ATM: variants seen among roughly 807,000 people sequenced by gnomAD.
The protein encoded by ATM is serine-protein kinase ATM.
A neutral mutation model predicts 387.0 loss-of-function variants in ATM; 308 were observed. That is an observed-to-expected ratio of 0.80 (90% CI 0.73 to 0.87). The LOEUF is 0.87. ATM is among the 40% of genes least tolerant of loss of function. The pLI is 0.00. For synonymous variants in ATM, 1,156 were observed against 1,187.3 expected, an observed-to-expected ratio of 0.97 and a Z score of 0.54; for missense variants, 3,312 against 3,560.9, an observed-to-expected ratio of 0.93 and a Z score of 1.78.
rs2080301965 is a variant in ATM at position 108,253,898 on chromosome 11, C to T, written c.1983C>T (p.Asp661=). The stretch of plus-strand genomic sequence containing the variant: ...TTCAGACAACTTTTGACAAGATGGA[C>T]TTTTTAACCATTGTGAGAGAATGTG... ...LFLQTTFDKM[D]FLTIVRECGI... is the part of the protein sequence containing the mutation. Residue 661 remains aspartate (D), a synonymous_variant, in exon 13 of 63, where the codon GAC becomes GAT. Coordinates refer to ENST00000675843, the MANE Select transcript of ATM (RefSeq NM_000051.4). 2 of 1,614,062 alleles carry T rather than the reference C, an allele frequency of 1.2e-6. No individual in the cohort carries two copies. Among genetic ancestry groups the T allele is most frequent in the East Asian group, 2.2e-5 (1 of 44,862 alleles).
chr11:108,357,732 G>T (rs2090181719), intron 61 of ATM, among the ~76,000 whole-genome samples: 1 of 152,152 alleles, frequency 6.6e-6, no homozygotes, highest in Non-Finnish European at 1.5e-5. Flanking sequence ...GCAGCTGAGG[G>T]TCTTGTCTGT....
At position 108,276,858 on chromosome 11, in the gene ATM, G is replaced by T. The variant is rs553096497; in HGVS notation, c.3285-2633G>T. Among the ~76,000 whole-genome samples, 4 of 152,318 alleles carry T rather than the reference G, an allele frequency of 2.6e-5. No individual in the cohort carries two copies. In the East Asian group the frequency reaches 7.7e-4, roughly 29 times the overall value. ...GCACGGGGGTCAGGGACCCACTTGA[G>T]GAGGCAGTCTGTCCCTTAGCAGAGC... On this transcript the variant is annotated intron_variant, in intron 22 of 62. Transcript: ENST00000675843.
At chr11:108,268,354 C>G (rs1565418849) in intron 17 of ATM, 56 bp from the exon 18 acceptor site, 2 of 1,509,450 alleles carry the variant, frequency 1.3e-6, no homozygotes, top group Non-Finnish European at 1.8e-6. Flanking sequence ...GTTAATATGA[C>G]TATATATGGC....
At chr11:108,269,368 A>C (rs2081446812) in intron 18 of ATM, among the ~76,000 whole-genome samples, 1 of 152,122 alleles carries the variant, frequency 6.6e-6, no homozygotes, top group African/African-American at 2.4e-5. Flanking sequence ...TTATACTTTG[A>C]CGAGAATGTT....
At chr11:108,235,860 G>T (rs1033295874) in intron 5 of ATM, 26 bp downstream of exon 5, 1 of 1,612,888 alleles carries the variant, frequency 6.2e-7, no homozygotes, top group South Asian at 1.1e-5. Flanking sequence ...TGTTGTTTGT[G>T]AATTTTTCCT....
In ATM at chr11:108,289,785, C is replaced by G. The variant is rs587779840; in HGVS notation, c.4420C>G (p.His1474Asp). The G allele has an allele frequency of 1.7e-5, 28 of 1,612,696 alleles. No individual in the cohort carries two copies. Among genetic ancestry groups the G allele is most frequent in the Non-Finnish European group, 2.2e-5 (26 of 1,179,728 alleles). Residue 1474 changes from histidine (H) to aspartate (D), a missense_variant, in exon 29 of 63, where the codon CAC becomes GAC. By Grantham distance (81) the His-to-Asp change is moderately conservative. Coordinates refer to ENST00000675843, the MANE Select transcript of ATM (RefSeq NM_000051.4). ...TCGAGACGTTATTTATACTTTGATT[C>G]ACTATATCAACCAAAGGTAAATAAC... ...VLRDVIYTLI[H>D]YINQRPSCIM...
chr11:108,321,842 A>G (rs893267731), intron 45 of ATM, among the ~76,000 whole-genome samples: 1 of 152,154 alleles, frequency 6.6e-6, no homozygotes, highest in Non-Finnish European at 1.5e-5. Context: ...CCTTTTATCA[A>G]GATATAAGTT....
chr11:108,289,588 T>G lies in ATM; in HGVS notation c.4237-14T>G. On this transcript the variant is annotated splice_polypyrimidine_tract_variant and intron_variant, in intron 28 of 62. Transcript: ENST00000675843. ...TAATTAAACAAGTTTTTACTAAATCTGTTTATTTTCTAGGATTCCTATCAG... is the reference window on the plus strand; with the variant it reads ...TAATTAAACAAGTTTTTACTAAATCGGTTTATTTTCTAGGATTCCTATCAG... 1 of 1,591,626 alleles carries G rather than the reference T, an allele frequency of 6.3e-7. No individual in the cohort carries two copies. Among genetic ancestry groups the G allele is most frequent in the African/African-American group, 1.3e-5 (1 of 74,114 alleles).
Position 108,244,443 on chromosome 11 carries a change from T to C in ATM, c.662+325T>C, listed in dbSNP as rs139148384. Among the ~76,000 whole-genome samples the C allele has an allele frequency of 2.6e-5, 4 of 152,278 alleles. No homozygotes were observed. In the East Asian group the frequency reaches 5.8e-4, roughly 22 times the overall value. Reference sequence around the variant, plus strand: ...GAGAATAAAATAAAATAGGAAAATATTTTGGAAGTATTACTGTTGTACATT... The same window carrying C: ...GAGAATAAAATAAAATAGGAAAATACTTTGGAAGTATTACTGTTGTACATT... On this transcript the variant is annotated intron_variant, in intron 6 of 62. Coordinates refer to ENST00000675843, the MANE Select transcript of ATM (RefSeq NM_000051.4).
chr11:108,251,021 T>A lies in ATM; in HGVS notation c.1556T>A (p.Val519Asp), dbSNP rs574458765. 1 of 1,614,154 alleles carries A rather than the reference T, an allele frequency of 6.2e-7. No homozygotes were observed. Among genetic ancestry groups the A allele is most frequent in the Non-Finnish European group, 8.5e-7 (1 of 1,180,028 alleles). Residue 519 changes from valine to aspartate, a missense_variant, in exon 10 of 63, where the codon GTT becomes GAT. Around this residue, in one of 4 missense-constraint regions of ATM, gnomAD observed 1,791 missense variants for 1,804.5 expected, o/e 0.99. Transcript: ENST00000675843. ...GAIIQGSLVE[V>D]DREFWKLFTG... ...ATAATTCAGGGTAGTTTAGTTGAGG[T>A]TGACAGAGAATTCTGGAAGTTATTT...
At position 108,256,282 on chromosome 11, in the gene ATM, A is replaced by T. The variant is rs730881345; in HGVS notation, c.2192A>T (p.Tyr731Phe). Residue 731 changes from tyrosine (Y) to phenylalanine (F), a missense_variant, in exon 14 of 63, where the codon TAC (tyrosine) becomes TTC (phenylalanine). Physicochemically the swap from Tyr to Phe is conservative, Grantham distance 22 (BLOSUM62 3). This residue lies in a region of ATM where 1,791 missense variants were observed against 1,804.5 expected (regional missense o/e 0.99). Coordinates refer to ENST00000675843, the MANE Select transcript of ATM (RefSeq NM_000051.4). The stretch of plus-strand genomic sequence containing the variant: ...GTGGGTGTCCTTGGCTGCTACTGTT[A>T]CATGGGTGTAATAGCTGAAGAGGAA... ...LLVGVLGCYC[Y>F]MGVIAEEEAY... The T allele has an allele frequency of 2.5e-6, 4 of 1,611,338 alleles. No individual in the cohort carries two copies. The African/African-American group carries it at 4.0e-5, about 16-fold the overall frequency.
chr11:108,359,133 A>G (rs2090399126), intron 61 of ATM, among the ~76,000 whole-genome samples: 1 of 150,536 alleles, frequency 6.6e-6, no homozygotes, highest in African/African-American at 2.4e-5. Context: ...AAAAAAAGGC[A>G]GGGGTTGCAA....
chr11:108,263,114 T>A (rs939583834), intron 16 of ATM, among the ~76,000 whole-genome samples: 1 of 150,984 alleles, frequency 6.6e-6, no homozygotes, highest in African/African-American at 2.4e-5. Context: ...GGAATTGAAC[T>A]CAGCTCTGCA....
intron 38 of ATM, chr11:108,308,884 G>A (rs1164579509): frequency 1.4e-6 from 1 of 731,242 alleles, no homozygotes; most frequent in Non-Finnish European, 2.3e-6. Context: ...CTTCTGAGGA[G>A]GCCTATCAGA....
rs863224560 is a variant in ATM, at chr11:108,271,384, C to G, written c.3055C>G (p.Leu1019Val). 6.2e-7 allele frequency: 1 copy of G among 1,614,060 alleles called. No homozygotes were observed. The highest frequency in any genetic ancestry group is 1.3e-5 in the African/African-American group (1 of 75,036). The change falls in exon 20 of 63, where the codon CTT (leucine) becomes GTT (valine). Residue 1019 changes from leucine (L) to valine (V), a missense_variant. Physicochemically the swap from Leu to Val is conservative, Grantham distance 32. Coordinates refer to ENST00000675843, the MANE Select transcript of ATM (RefSeq NM_000051.4). Reference sequence around the variant, plus strand: ...CACAAGGGATGCTCAAGGACAGTTTCTTACAGTAATTGGAGCATTTTGGTA... The same window carrying G: ...CACAAGGGATGCTCAAGGACAGTTTGTTACAGTAATTGGAGCATTTTGGTA... ...ENTRDAQGQF[L>V]TVIGAFWHLT...
At chr11:108,229,493 A>T in intron 4 of ATM, 170 bp downstream of exon 4, 2 of 690,678 alleles carry the variant, frequency 2.9e-6, no homozygotes, top group Non-Finnish European at 4.6e-6. Flanking sequence ...TTTTATTAAA[A>T]GGTTTTTTTT....
intron 54 of ATM, among the ~76,000 whole-genome samples, chr11:108,334,695 A>G (rs942410832): frequency 6.6e-6 from 1 of 152,216 alleles, no homozygotes; most frequent in Non-Finnish European, 1.5e-5. Flanking sequence ...ATAACCCAGA[A>G]AACTCCTTCT....
intron 22 of ATM, among the ~76,000 whole-genome samples, chr11:108,273,331 CTTTTTTTTT>C (rs563140198): frequency 1.2e-3 from 94 of 80,656 alleles, no homozygotes; most frequent in African/African-American, 1.2e-3. Flanking sequence ...TAATTTCATT[CTTTTTTTTT>C]TTTTTTTTTT....
Position 108,252,914 on chromosome 11 carries a change from T to G in ATM, c.1898+2T>G, listed in dbSNP as rs587782124. The stretch of plus-strand genomic sequence containing the variant: ...TTTTTTCCAAAGCGTGCCAGAATGG[T>G]ATGTTATCTAATAATGCTCTTTATC... On this transcript the variant is annotated splice_donor_variant, in intron 12 of 62. Transcript: ENST00000675843. LOFTEE classifies it high-confidence loss of function. The G allele has an allele frequency of 6.9e-6, 11 of 1,599,468 alleles. No homozygotes were observed. Among genetic ancestry groups the G allele is most frequent in the Non-Finnish European group, 9.4e-6 (11 of 1,167,326 alleles).
Sources: gnomAD v4.1 joint callset for allele counts (sites outside exome capture counted in the v4.1 genomes callset) on GRCh38, gnomAD v4.1.1 for gene constraint, gnomAD v4.1.1 regional missense constraint, MANE v1.5 for transcripts, NCBI Gene and HGNC (gene_info 2026-07-23, HGNC 2026-07-21) for gene names.